LASP1: variants seen among roughly 807,000 people sequenced by gnomAD.
LASP1 encodes LIM and SH3 protein 1.
A neutral mutation model predicts 38.6 loss-of-function variants in LASP1; 10 were observed. The ratio of observed to expected loss-of-function variants is 0.26; its 90% CI spans 0.16 to 0.44. The LOEUF (loss-of-function observed/expected upper bound fraction) is 0.44, where lower values mean the gene tolerates loss of function less well. Among genes scored for constraint, LASP1 ranks in the 20% least tolerant of loss-of-function variants. The pLI, the probability that LASP1 is intolerant of heterozygous loss-of-function variation, is 1.00. For missense variants in LASP1, 243 were observed against 375.7 expected, an observed-to-expected ratio of 0.65 and a Z score of 2.92; for synonymous variants, 132 against 140.8, an observed-to-expected ratio of 0.94 and a Z score of 0.44.
rs1426740416 is a variant in LASP1 at position 38,918,642 on chromosome 17, A to C, written c.650A>C (p.Asp217Ala). ...YRAVYDYSAA[D>A]EDEVSFQDGD... is the part of the protein sequence containing the mutation. The stretch of plus-strand genomic sequence containing the variant: ...GCGGTGTATGACTACAGCGCCGCCG[A>C]CGAGGACGAGGTCTCCTTCCAGGAC... Residue 217 changes from aspartate (D) to alanine (A), a missense_variant, in exon 7 of 7, where the codon GAC (aspartate) becomes GCC (alanine). Coordinates refer to ENST00000318008, the MANE Select transcript of LASP1 (RefSeq NM_006148.4). This position sits in a 1 kb window ranked among gnomAD's most constrained non-coding sequence, Gnocchi z 4.4. 3.1e-6 allele frequency: 5 copies of C among 1,611,372 alleles called. No homozygotes were observed. Among genetic ancestry groups the C allele is most frequent in the South Asian group, 1.1e-5 (1 of 91,020 alleles).
chr17:38,912,047 G>A (rs915814512), intron 4 of LASP1, among the ~76,000 whole-genome samples: 1 of 152,224 alleles, frequency 6.6e-6, no homozygotes, highest in African/African-American at 2.4e-5. Context: ...ACCCACCTTG[G>A]CCTCCCAAAG....
chr17:38,914,241 C>G, intron 4 of LASP1, 84 bp from the exon 5 acceptor site: 2 of 1,505,260 alleles, frequency 1.3e-6, no homozygotes, highest in Non-Finnish European at 9.0e-7. Context: ...GGTAGTCTCT[C>G]CCATCCTGGG....
At chr17:38,897,147 A>G (rs1914512047) in intron 3 of LASP1, 2 of 892,322 alleles carry the variant, frequency 2.2e-6, no homozygotes, top group Non-Finnish European at 2.7e-6. Context: ...GGAACAGCAC[A>G]TCCAAGCCCT....
chr17:38,897,836 C>A, intron 3 of LASP1, among the ~76,000 whole-genome samples: 1 of 152,232 alleles, frequency 6.6e-6, no homozygotes, highest in East Asian at 1.9e-4. Context: ...CCAACTCTGT[C>A]CTTTGGCACA....
intron 4 of LASP1, among the ~76,000 whole-genome samples, chr17:38,913,721 GCCGGTCACGGTGGC>G (rs1915022800): frequency 6.6e-6 from 1 of 152,208 alleles, no homozygotes; most frequent in Non-Finnish European, 1.5e-5. Flanking sequence ...TGACCACTTG[GCCGGTCACGGTGGC>G]TCACGCCTGT....
rs746248272 is a variant in LASP1 at position 38,918,764 on chromosome 17, G to A, written c.772G>A (p.Val258Met). ...GDTGMLPANY[V>M]EAI ...CACGGGGATGCTGCCGGCCAACTAC[G>A]TGGAGGCCATCTGAACCCGCAGCGC... is the stretch of plus-strand genomic sequence containing the variant. Residue 258 changes from valine to methionine, a missense_variant, in exon 7 of 7, where the codon GTG becomes ATG. This residue lies in a region of LASP1 where 165 missense variants were observed against 210.3 expected (regional missense o/e 0.78). Transcript: ENST00000318008. This position sits in a 1 kb window ranked among gnomAD's most constrained non-coding sequence, Gnocchi z 4.4. 6.2e-6 allele frequency: 10 copies of A among 1,613,740 alleles called. No individual in the cohort carries two copies. Among genetic ancestry groups the A allele is most frequent in the Middle Eastern group, 1.6e-4 (1 of 6,084 alleles).
At chr17:38,907,146 AT>A (rs1479910378) in intron 4 of LASP1, among the ~76,000 whole-genome samples, 1 of 152,104 alleles carries the variant, frequency 6.6e-6, no homozygotes. Context: ...CAATTTCCTC[AT>A]TTGCTGGCGA....
chr17:38,919,059 T>G lies in LASP1; in HGVS notation c.*281T>G. 6.1e-6 allele frequency: 2 copies of G among 325,496 alleles called. No individual in the cohort carries two copies. The highest frequency in any genetic ancestry group is 5.3e-5 in the Admixed American group (1 of 18,788). The allele number at this position is 325,496 out of a possible 1,614,324, so 20.2% of individuals were successfully genotyped here. On this transcript the variant is annotated 3_prime_UTR_variant, in exon 7 of 7. Transcript: ENST00000318008. ...GGCAGGGCTGGAATGGGAGACCTGT[T>G]GGCCTGTGGGCCTCACCTGCCCCTC...
Position 38,920,086 on chromosome 17 carries a change from C to T in LASP1, c.*1308C>T, listed in dbSNP as rs775177993. 1.9e-6 allele frequency: 1 copy of T among 536,756 alleles called. No homozygotes were observed. The allele number at this position is 536,756 out of a possible 1,614,324, so 33.2% of individuals were successfully genotyped here. On this transcript the variant is annotated 3_prime_UTR_variant, in exon 7 of 7. Transcript: ENST00000318008. ...TCCCCCCATCTCTGAGTGGAGGAAGCCCACCAATCTGCCCTTTGCAGTGTG... is the reference window on the plus strand; with the variant it reads ...TCCCCCCATCTCTGAGTGGAGGAAGTCCACCAATCTGCCCTTTGCAGTGTG...
intron 3 of LASP1, among the ~76,000 whole-genome samples, chr17:38,891,916 A>G (rs1380479465): frequency 6.6e-6 from 1 of 151,886 alleles, no homozygotes; most frequent in East Asian, 1.9e-4. Flanking sequence ...GCAACATAGC[A>G]ATACCTGGTC....
rs55996334 is a variant in LASP1, at chr17:38,900,380, CA to C, written c.357+1872del. On this transcript the variant is annotated intron_variant, in intron 4 of 6. Transcript: ENST00000318008. Reference sequence around the variant, plus strand: ...GGGAAACCGAGTGAGACCCTGTTTCCAAAAAAAAAAAGGACCAGGCGCGGTG... The same window carrying C: ...GGGAAACCGAGTGAGACCCTGTTTCCAAAAAAAAAAGGACCAGGCGCGGTG... 9.3e-4 allele frequency among the ~76,000 whole-genome samples: 105 copies of C among 113,496 alleles called. 1 individual carries two copies. Among genetic ancestry groups the C allele is most frequent in the Non-Finnish European group, 1.3e-3 (73 of 55,514 alleles). The allele number at this position is 113,496 out of a possible 152,430, so 74.5% of individuals were successfully genotyped here. A position where few individuals can be genotyped will look rare whatever the true frequency, so the allele number is the denominator to read the frequency against.
At chr17:38,875,857 A>C (rs1329536570) in intron 1 of LASP1, among the ~76,000 whole-genome samples, 1 of 152,190 alleles carries the variant, frequency 6.6e-6, no homozygotes, top group Non-Finnish European at 1.5e-5. Flanking sequence ...ACAAATGGCC[A>C]AGAACCAGCT....
intron 2 of LASP1, among the ~76,000 whole-genome samples, chr17:38,888,838 G>A (rs1053879526): frequency 1.3e-5 from 2 of 152,012 alleles, no homozygotes; most frequent in Non-Finnish European, 2.9e-5. Context: ...AGGCTCTGAG[G>A]GTTGCCGTGG....
At chr17:38,890,337 C>T (rs1300234314) in intron 2 of LASP1, 83 bp from the exon 3 acceptor site, 2 of 1,327,006 alleles carry the variant, frequency 1.5e-6, no homozygotes, top group Non-Finnish European at 2.2e-6. Flanking sequence ...ACGAAGTTCC[C>T]AGGAGGGCAT....
At position 38,882,095 on chromosome 17, in the gene LASP1, C is replaced by T. The variant is rs553823255; in HGVS notation, c.164+3915C>T. ...GCAGACACCCACGCCGGTGCTGGGG[C>T]GGGGGAGGAGGACTTGGGAGCTGGA... On this transcript the variant is annotated intron_variant, in intron 2 of 6. Coordinates refer to ENST00000318008, the MANE Select transcript of LASP1 (RefSeq NM_006148.4). 1.7e-4 allele frequency among the ~76,000 whole-genome samples: 26 copies of T among 152,172 alleles called. No individual in the cohort carries two copies. In the South Asian group the frequency reaches 5.0e-3, roughly 29 times the overall value.
chr17:38,880,209 C>A (rs549675695), intron 2 of LASP1, among the ~76,000 whole-genome samples: 2 of 152,190 alleles, frequency 1.3e-5, no homozygotes, highest in Non-Finnish European at 2.9e-5. Flanking sequence ...GAAGTCTGAC[C>A]GAGCCTTGGA....
In LASP1 at chr17:38,914,402, T is replaced by TTCACAGGAC. The variant is rs776369936; in HGVS notation, c.436_444dup (p.Ser146_Asp148dup). On this transcript the variant is annotated inframe_insertion, in exon 5 of 7. Coordinates refer to ENST00000318008, the MANE Select transcript of LASP1 (RefSeq NM_006148.4). Reference sequence around the variant, plus strand: ...AGGGCATGGAGCCAGAGCGTCGGGATTCACAGGACGGCAGCAGCTACCGGC... The same window carrying TTCACAGGAC: ...AGGGCATGGAGCCAGAGCGTCGGGATTCACAGGACTCACAGGACGGCAGCAGCTACCGGC... The TTCACAGGAC allele has an allele frequency of 8.7e-6, 14 of 1,611,964 alleles. No homozygotes were observed. Among genetic ancestry groups the TTCACAGGAC allele is most frequent in the Non-Finnish European group, 1.2e-5 (14 of 1,179,946 alleles).
intron 2 of LASP1, among the ~76,000 whole-genome samples, chr17:38,889,520 G>C (rs190987692): frequency 2.3e-3 from 343 of 152,296 alleles, no homozygotes; most frequent in South Asian, 4.4e-3. Context: ...GAGTGCCGAC[G>C]TGATGCCACA....
chr17:38,909,728 CTCAT>C (rs111395734), intron 4 of LASP1, among the ~76,000 whole-genome samples: 13,123 of 149,946 alleles, frequency 0.088, 966 homozygotes, highest in African/African-American at 0.2. Flanking sequence ...TCTTTTTCAT[CTCAT>C]TCATTCATTC....
Sources: gnomAD v4.1 joint callset for allele counts (sites outside exome capture counted in the v4.1 genomes callset) on GRCh38, gnomAD v4.1.1 for gene constraint, gnomAD v4.1.1 regional missense constraint, Gnocchi (gnomAD v3.1) non-coding constraint, MANE v1.5 for transcripts, NCBI Gene and HGNC (gene_info 2026-07-23, HGNC 2026-07-21) for gene names.